Variants in PLXDC2 observed in about 807,000 individuals in gnomAD.
The protein encoded by PLXDC2 is plexin domain-containing protein 2.
Under a neutral mutation model 68.9 loss-of-function variants are expected in PLXDC2, and 40 were observed. The observed-to-expected ratio is 0.58, with a 90% CI of 0.45 to 0.76. The LOEUF (loss-of-function observed/expected upper bound fraction) is 0.76, where lower values mean the gene tolerates loss of function less well. Among genes scored for constraint, PLXDC2 ranks in the 30% least tolerant of loss-of-function variants. The pLI is 0.00. For missense variants in PLXDC2, 644 were observed against 661.9 expected, an observed-to-expected ratio of 0.97 and a Z score of 0.30; for synonymous variants, 243 against 234.2, an observed-to-expected ratio of 1.04 and a Z score of -0.34.
chr10:20,160,195 T>G (rs1834272471), intron 6 of PLXDC2, among the ~76,000 whole-genome samples: 1 of 152,164 alleles, frequency 6.6e-6, no homozygotes, highest in South Asian at 2.1e-4. Flanking sequence ...GGAAAATAAT[T>G]TATATCTAGT....
At chr10:19,968,465 A>T (rs112027401) in intron 1 of PLXDC2, among the ~76,000 whole-genome samples, 3,757 of 152,172 alleles carry the variant, frequency 0.025, 160 homozygotes, top group African/African-American at 0.086. Context: ...GGCGCACACC[A>T]CTATGCCTGG....
chr10:19,952,624 A>G (rs560704749), intron 1 of PLXDC2, among the ~76,000 whole-genome samples: 2 of 152,342 alleles, frequency 1.3e-5, no homozygotes, highest in East Asian at 3.9e-4. Flanking sequence ...TCTTTTGTTC[A>G]GAGAATATAC....
Position 20,177,194 on chromosome 10 carries a change from T to C in PLXDC2, c.979+100T>C, listed in dbSNP as rs556387086. On this transcript the variant is annotated intron_variant, in intron 8 of 13. Transcript: ENST00000377252. Reference sequence around the variant, plus strand: ...TAATCATATTAAATAATTACCATTATAATTGTGTTTGGCATGCATGGGCAT... The same window carrying C: ...TAATCATATTAAATAATTACCATTACAATTGTGTTTGGCATGCATGGGCAT... 3.3e-5 allele frequency: 45 copies of C among 1,351,176 alleles called. No individual in the cohort carries two copies. In the Admixed American group the frequency reaches 6.3e-4, roughly 19 times the overall value. 83.7% of individuals were successfully genotyped at this position (1,351,176 alleles called of 1,614,324 possible). A position where few individuals can be genotyped will look rare whatever the true frequency, so the allele number is the denominator to read the frequency against.
intron 2 of PLXDC2, among the ~76,000 whole-genome samples, chr10:20,028,316 C>G (rs1159826877): frequency 6.6e-6 from 1 of 152,098 alleles, no homozygotes; most frequent in Non-Finnish European, 1.5e-5. Context: ...AATCACTGCT[C>G]TAGTTCAAAG....
chr10:19,975,768 C>T lies in PLXDC2; in HGVS notation c.113-26007C>T, dbSNP rs575626977. On this transcript the variant is annotated intron_variant, in intron 1 of 13. Transcript: ENST00000377252. Reference sequence around the variant, plus strand: ...GTTTCCTGGAAAAGAATATTTTGGACTGAGATGGGTGGATTACTTGAGGTC... The same window carrying T: ...GTTTCCTGGAAAAGAATATTTTGGATTGAGATGGGTGGATTACTTGAGGTC... Among the ~76,000 whole-genome samples, 121 of 152,238 alleles carry T rather than the reference C, an allele frequency of 7.9e-4. 1 individual carries two copies. The South Asian group carries it at 0.024, about 31-fold the overall frequency.
rs1264720835 is a variant in PLXDC2 at position 20,286,306 on chromosome 10, C to G, written c.*6487C>G. On this transcript the variant is annotated 3_prime_UTR_variant, in exon 14 of 14. Coordinates refer to ENST00000377252, the MANE Select transcript of PLXDC2 (RefSeq NM_032812.9). ...GTCATAAACTAGTACTCAGCTTTTC[C>G]TAGTTTCTAAGGCTTATTAACATTT... 2 of 152,092 alleles carry G rather than the reference C, an allele frequency of 1.3e-5. No homozygotes were observed. The highest frequency in any genetic ancestry group is 1.3e-4 in the Admixed American group (2 of 15,272). The allele number at this position is 152,092 out of a possible 1,614,324, so 9.4% of individuals were successfully genotyped here.
At chr10:19,939,822 G>A (rs547134639) in intron 1 of PLXDC2, among the ~76,000 whole-genome samples, 1 of 149,666 alleles carries the variant, frequency 6.7e-6, no homozygotes, top group Non-Finnish European at 1.5e-5. Context: ...TGGATGACAT[G>A]TGACAAATAT....
chr10:19,868,392 A>G (rs559758681), intron 1 of PLXDC2, among the ~76,000 whole-genome samples: 2 of 152,156 alleles, frequency 1.3e-5, no homozygotes. Flanking sequence ...AGTCATCTTC[A>G]TGTGCATTAA....
In PLXDC2 at chr10:20,277,167, C is replaced by T. The variant is rs961387334; in HGVS notation, c.1474-2536C>T. Among the ~76,000 whole-genome samples, 7 of 130,234 alleles carry T rather than the reference C, an allele frequency of 5.4e-5. No homozygotes were observed. The South Asian group carries it at 1.5e-3, about 28-fold the overall frequency. 85.4% of individuals were successfully genotyped at this position (130,234 alleles called of 152,430 possible). On this transcript the variant is annotated intron_variant, in intron 13 of 13. Transcript: ENST00000377252. ...GAGGTTGCAGTGAGCTGAGATCTTG[C>T]CATTGCACTCCAGCCTGGGTGACAG...
chr10:20,197,493 G>C (rs1452218889), intron 9 of PLXDC2, among the ~76,000 whole-genome samples: 1 of 151,980 alleles, frequency 6.6e-6, no homozygotes, highest in Non-Finnish European at 1.5e-5. Context: ...GAGTAGCTGG[G>C]ACTACAGGCA....
intron 4 of PLXDC2, among the ~76,000 whole-genome samples, chr10:20,078,764 T>C (rs913293524): frequency 1.6e-4 from 24 of 152,220 alleles, no homozygotes; most frequent in Non-Finnish European, 3.4e-4. Context: ...TTTCTACCCA[T>C]TTATTTTAAC....
Position 20,143,287 on chromosome 10 carries a change from A to G in PLXDC2, c.542-8A>G. 4 of 1,601,120 alleles carry G rather than the reference A, an allele frequency of 2.5e-6. No homozygotes were observed. The South Asian group carries it at 4.5e-5, about 18-fold the overall frequency. On this transcript the variant is annotated splice_region_variant and splice_polypyrimidine_tract_variant and intron_variant, in intron 4 of 13. Coordinates refer to ENST00000377252, the MANE Select transcript of PLXDC2 (RefSeq NM_032812.9). ...TTCTGAATATGTTTCCTATTTTTCT[A>G]ATTCTAGGTTTCATATACACTGGAG...
At chr10:19,821,992 T>C (rs1836474751) in intron 1 of PLXDC2, among the ~76,000 whole-genome samples, 1 of 152,108 alleles carries the variant, frequency 6.6e-6, no homozygotes, top group African/African-American at 2.4e-5. Context: ...TATTTTCTTA[T>C]TCTATGTATA....
chr10:20,245,222 A>T (rs1835575964), intron 12 of PLXDC2, 123 bp from the exon 13 acceptor site: 1 of 1,064,222 alleles, frequency 9.4e-7, no homozygotes, highest in African/African-American at 1.6e-5. Flanking sequence ...GATGTTGCAG[A>T]AAAGTTGTCC....
chr10:19,900,477 A>G (rs1345186438), intron 1 of PLXDC2, among the ~76,000 whole-genome samples: 3 of 152,138 alleles, frequency 2.0e-5, no homozygotes, highest in Non-Finnish European at 4.4e-5. Context: ...TTAGGTGAGG[A>G]AAAAAAGCAA....
chr10:19,935,145 T>A (rs1272803026), intron 1 of PLXDC2, among the ~76,000 whole-genome samples: 3 of 152,218 alleles, frequency 2.0e-5, no homozygotes, highest in Admixed American at 6.5e-5. Context: ...ACACACAACC[T>A]GGTCTGGCCC....
chr10:20,248,278 TTA>T (rs1835627192), intron 13 of PLXDC2, among the ~76,000 whole-genome samples: 2 of 152,314 alleles, frequency 1.3e-5, no homozygotes, highest in South Asian at 4.1e-4. Flanking sequence ...TCTCATTGTC[TTA>T]TGTCTCAGAG....
At chr10:20,082,947 A>ATGTATGTATG (rs1836596551) in intron 4 of PLXDC2, among the ~76,000 whole-genome samples, 5 of 151,616 alleles carry the variant, frequency 3.3e-5, no homozygotes, top group African/African-American at 1.2e-4. Context: ...ATATGTACAT[A>ATGTATGTATG]TATGTATGTA....
chr10:20,140,405 A>AATATCTGTCTATC (rs201306989), intron 4 of PLXDC2, among the ~76,000 whole-genome samples: 1 of 12,534 alleles, frequency 8.0e-5, no homozygotes, highest in African/African-American at 1.5e-4. Context: ...TATATATAAA[A>AATATCTGTCTATC]TATCTATCTA....
Sources: allele counts gnomAD v4.1 joint callset (sites outside exome capture counted in the v4.1 genomes callset), GRCh38; gene constraint gnomAD v4.1.1; transcripts MANE v1.5; gene names NCBI Gene and HGNC (gene_info 2026-07-23, HGNC 2026-07-21).